The following TEAD4 variants were observed in gnomAD, a reference collection of about 807,000 sequenced individuals.
TEAD4 encodes the protein transcriptional enhancer factor TEF-3.
In TEAD4, 36 loss-of-function variants were observed where a neutral mutation model predicts 52.4. The ratio of observed to expected loss-of-function variants is 0.69; its 90% confidence interval spans 0.53 to 0.91. TEAD4 has a LOEUF of 0.91. Among genes scored for constraint, TEAD4 ranks in the 40% least tolerant of loss-of-function variants. The pLI, the probability that TEAD4 is intolerant of heterozygous loss-of-function variation, is 0.00. For synonymous variants in TEAD4, 220 were observed against 231.0 expected, an observed-to-expected ratio of 0.95 and a Z score of 0.43; for missense variants, 508 against 583.9, an observed-to-expected ratio of 0.87 and a Z score of 1.34.
At chr12:2,996,234 C>T (rs989702128) in intron 3 of TEAD4, among the ~76,000 whole-genome samples, 4 of 152,048 alleles carry the variant, frequency 2.6e-5, no homozygotes, top group Admixed American at 6.6e-5. Context: ...CCCACCCCCA[C>T]GGGTTTCCAT....
chr12:2,999,168 G>A (rs937454704), intron 3 of TEAD4, among the ~76,000 whole-genome samples: 8 of 152,260 alleles, frequency 5.3e-5, no homozygotes, highest in East Asian at 1.9e-4. Flanking sequence ...TCAGCTCACC[G>A]TGGCTGCTCC....
In TEAD4 at chr12:3,028,868, C is replaced by T. The variant is rs1591597369; in HGVS notation, c.897+6851C>T. Among the ~76,000 whole-genome samples, 7 of 152,074 alleles carry T rather than the reference C, an allele frequency of 4.6e-5. 1 individual carries two copies. On this transcript the variant is annotated intron_variant, in intron 10 of 12. Coordinates refer to ENST00000359864, the MANE Select transcript of TEAD4 (RefSeq NM_003213.4). ...CTGGTCTTGAACTCCTGAGCTCAAGCGATTCGCCTGCCTCAACCTCCCAAA... is the reference window on the plus strand; with the variant it reads ...CTGGTCTTGAACTCCTGAGCTCAAGTGATTCGCCTGCCTCAACCTCCCAAA...
At chr12:3,028,153 C>T (rs2098273190) in intron 10 of TEAD4, among the ~76,000 whole-genome samples, 1 of 152,196 alleles carries the variant, frequency 6.6e-6, no homozygotes, top group Admixed American at 6.5e-5. Context: ...CATGTTGTAG[C>T]ACGTACGTTC....
chr12:3,011,396 A>C (rs2098260242), intron 4 of TEAD4, among the ~76,000 whole-genome samples: 1 of 151,744 alleles, frequency 6.6e-6, no homozygotes, highest in Admixed American at 6.6e-5. Context: ...ATGCCCGGCT[A>C]ATTTTTTGTA....
At chr12:2,965,037 G>A (rs952630794) in intron 2 of TEAD4, among the ~76,000 whole-genome samples, 14 of 152,274 alleles carry the variant, frequency 9.2e-5, no homozygotes, top group Admixed American at 1.3e-4. Flanking sequence ...TGGAAGGAGG[G>A]TAGGAGTAGG....
chr12:3,015,301 C>G (rs1180901005), intron 5 of TEAD4, among the ~76,000 whole-genome samples: 4 of 152,220 alleles, frequency 2.6e-5, no homozygotes, highest in African/African-American at 9.6e-5. Context: ...ACCATCACCA[C>G]TCTCAGCACC....
At chr12:3,025,951 TG>T (rs907409477) in intron 10 of TEAD4, among the ~76,000 whole-genome samples, 6 of 151,794 alleles carry the variant, frequency 4.0e-5, no homozygotes, top group African/African-American at 1.2e-4. Flanking sequence ...TTTTTTCCTC[TG>T]GAAGTTGTAA....
chr12:3,009,419 A>G (rs532955240), intron 3 of TEAD4, among the ~76,000 whole-genome samples: 1 of 152,188 alleles, frequency 6.6e-6, no homozygotes, highest in Non-Finnish European at 1.5e-5. Context: ...GACAAGAGCG[A>G]GACTTCGTCT....
At chr12:3,013,871 C>T (rs1291409541) in intron 5 of TEAD4, among the ~76,000 whole-genome samples, 1 of 152,134 alleles carries the variant, frequency 6.6e-6, no homozygotes, top group Non-Finnish European at 1.5e-5. Flanking sequence ...CATTGTGAGA[C>T]CCCATCTCTG....
At chr12:2,971,136 A>G (rs1229710713) in intron 2 of TEAD4, among the ~76,000 whole-genome samples, 2 of 152,210 alleles carry the variant, frequency 1.3e-5, no homozygotes, top group African/African-American at 4.8e-5. Context: ...TCCTGTCCTC[A>G]TGGAACTTGC....
chr12:2,999,470 C>T (rs376481763), intron 3 of TEAD4, among the ~76,000 whole-genome samples: 151 of 152,316 alleles, frequency 9.9e-4, no homozygotes, highest in African/African-American at 3.6e-3. Context: ...GCATAGGACA[C>T]GCTGACCAAG....
chr12:3,031,991 A>G (rs1591599229), intron 10 of TEAD4, among the ~76,000 whole-genome samples: 1 of 152,304 alleles, frequency 6.6e-6, no homozygotes, highest in East Asian at 1.9e-4. Flanking sequence ...CCCCTGAGGA[A>G]CAGCAGGCAG....
At chr12:3,019,004 C>T in intron 7 of TEAD4, 111 bp from the exon 8 acceptor site, 1 of 1,358,212 alleles carries the variant, frequency 7.4e-7, no homozygotes, top group South Asian at 1.2e-5. Context: ...CCATCGGGAC[C>T]ACTGAAATCC....
chr12:3,021,423 G>A (rs979225234), intron 9 of TEAD4, among the ~76,000 whole-genome samples: 5 of 148,068 alleles, frequency 3.4e-5, no homozygotes, highest in East Asian at 4.1e-4. Flanking sequence ...CGACTCTCCC[G>A]CCTTAGCCTC....
intron 10 of TEAD4, among the ~76,000 whole-genome samples, chr12:3,036,504 TC>T (rs1016981418): frequency 1.3e-5 from 2 of 152,270 alleles, no homozygotes; most frequent in Admixed American, 1.3e-4. Context: ...ACCAAAACCT[TC>T]CTGGGGTTCT....
At chr12:2,986,969 G>A (rs888202493) in intron 2 of TEAD4, among the ~76,000 whole-genome samples, 1 of 152,176 alleles carries the variant, frequency 6.6e-6, no homozygotes, top group African/African-American at 2.4e-5. Flanking sequence ...TTGTTATGCA[G>A]TGCATGACTG....
intron 2 of TEAD4, among the ~76,000 whole-genome samples, chr12:2,983,475 C>T (rs989791489): frequency 3.3e-5 from 5 of 152,072 alleles, no homozygotes; most frequent in Non-Finnish European, 7.4e-5. Context: ...ACAGAAAGGA[C>T]CCTGGATCCC....
In TEAD4 at chr12:3,018,702, G is replaced by T. The variant is rs139857463; in HGVS notation, c.527+114G>T. ...GTGTGCTGGGGCCGCTGCTGGGGTC[G>T]GCCTTTCAGGATGGCTCTGAGCTCA... On this transcript the variant is annotated intron_variant, in intron 7 of 12. Transcript: ENST00000359864. 1.5e-3 allele frequency: 2,066 copies of T among 1,355,688 alleles called. 30 individuals are homozygous for T. In the African/African-American group the frequency reaches 0.027, roughly 18 times the overall value. 84.0% of individuals were successfully genotyped at this position (1,355,688 alleles called of 1,614,324 possible). A position where few individuals can be genotyped will look rare whatever the true frequency, so the allele number is the denominator to read the frequency against.
At chr12:2,962,923 C>T (rs2098216991) in intron 2 of TEAD4, among the ~76,000 whole-genome samples, 1 of 152,160 alleles carries the variant, frequency 6.6e-6, no homozygotes, top group South Asian at 2.1e-4. Context: ...GCTTGTACAC[C>T]CCCTACTCCC....
Sources: allele counts gnomAD v4.1 joint callset (sites outside exome capture counted in the v4.1 genomes callset), GRCh38; gene constraint gnomAD v4.1.1; transcripts MANE v1.5; gene names NCBI Gene and HGNC (gene_info 2026-07-23, HGNC 2026-07-21).